EFEMP1: variants seen among roughly 807,000 people sequenced by gnomAD.
EFEMP1 encodes the protein EGF-like fibulin extracellular matrix protein 1, also known as EGF-containing fibulin-like extracellular matrix protein 1.
EFEMP1 carries 18 observed loss-of-function variants against 65.7 expected under a neutral mutation model. That is an observed-to-expected ratio of 0.27 (90% CI 0.19 to 0.41). The LOEUF is 0.41. EFEMP1 is among the 10% of genes least tolerant of loss of function. The pLI is 1.00. For synonymous variants in EFEMP1, 237 were observed against 219.7 expected (o/e 1.08, Z -0.70); for missense variants, 469 against 624.8 (o/e 0.75, Z 2.66).
intron 5 of EFEMP1, among the ~76,000 whole-genome samples, chr2:55,908,485 C>T (rs1670364930): frequency 6.6e-6 from 1 of 151,988 alleles, no homozygotes. Context: ...TACAAAGTTT[C>T]AGTTAAACAG....
At chr2:55,895,793 G>A (rs1173365758) in intron 5 of EFEMP1, among the ~76,000 whole-genome samples, 3 of 151,746 alleles carry the variant, frequency 2.0e-5, no homozygotes, top group Non-Finnish European at 2.9e-5. Flanking sequence ...CGCCCGCCTT[G>A]GCCTCCCAAA....
chr2:55,890,225 G>A (rs1669582009), intron 5 of EFEMP1, among the ~76,000 whole-genome samples: 1 of 151,690 alleles, frequency 6.6e-6, no homozygotes, highest in Non-Finnish European at 1.5e-5. Flanking sequence ...GATTATTAGA[G>A]AATTAAAAAA....
intron 5 of EFEMP1, among the ~76,000 whole-genome samples, chr2:55,906,222 C>CT (rs577782138): frequency 0.013 from 1,622 of 129,726 alleles, 31 homozygotes; most frequent in African/African-American, 0.036. Context: ...AGCCCTGCAT[C>CT]TTTTTTTTTT....
chr2:55,913,995 G>C (rs11894650), intron 5 of EFEMP1, among the ~76,000 whole-genome samples: 2 of 151,798 alleles, frequency 1.3e-5, no homozygotes, highest in Admixed American at 6.6e-5. Flanking sequence ...GGGTGACAGC[G>C]TGAGACTCTG....
chr2:55,903,792 CAT>C (rs765291124), intron 5 of EFEMP1, among the ~76,000 whole-genome samples: 1 of 152,008 alleles, frequency 6.6e-6, no homozygotes, highest in Non-Finnish European at 1.5e-5. Context: ...TGCATGTATA[CAT>C]ATATATGTAT....
chr2:55,897,432 G>A (rs1669870315), intron 5 of EFEMP1, among the ~76,000 whole-genome samples: 1 of 152,048 alleles, frequency 6.6e-6, no homozygotes, highest in Non-Finnish European at 1.5e-5. Flanking sequence ...ATCATCTCCA[G>A]CAGACCCCCA....
At chr2:55,882,024 C>T (rs1669260838) in intron 5 of EFEMP1, among the ~76,000 whole-genome samples, 1 of 152,068 alleles carries the variant, frequency 6.6e-6, no homozygotes, top group African/African-American at 2.4e-5. Flanking sequence ...TCACACCATC[C>T]TCATCCCTTG....
At chr2:55,889,800 G>T (rs1293221786) in intron 5 of EFEMP1, among the ~76,000 whole-genome samples, 3 of 145,962 alleles carry the variant, frequency 2.1e-5, no homozygotes, top group Admixed American at 6.9e-5. Flanking sequence ...CAAATGATCT[G>T]TAGGAAAAAC....
chr2:55,889,058 TTGATTCTTGGCCTCCCTCCC>T (rs140041617), intron 5 of EFEMP1, among the ~76,000 whole-genome samples: 9,429 of 152,278 alleles, frequency 0.062, 384 homozygotes, highest in Non-Finnish European at 0.087. Context: ...GCACTGTGAT[TTGATTCTTGGCCTCCCTCCC>T]TGAGGCCTTG....
At chr2:55,912,652 A>G (rs565645203) in intron 5 of EFEMP1, among the ~76,000 whole-genome samples, 1 of 152,334 alleles carries the variant, frequency 6.6e-6, no homozygotes, top group East Asian at 1.9e-4. Flanking sequence ...CCCTATGTAC[A>G]CTGTAATTTG....
chr2:55,907,582 A>T (rs1572838758), intron 5 of EFEMP1, among the ~76,000 whole-genome samples: 1 of 152,344 alleles, frequency 6.6e-6, no homozygotes, highest in Admixed American at 6.5e-5. Flanking sequence ...TAAAAATGTT[A>T]ATTTAATGGC....
Position 55,905,098 on chromosome 2 carries a change from A to G in EFEMP1, c.517+12567T>C, listed in dbSNP as rs149056226. The stretch of plus-strand genomic sequence containing the variant: ...CTGCAAAGGCTTGGTATGAATTTGA[A>G]CCTGCACTGATTCTTCTTTTCCTAT... On this transcript the variant is annotated intron_variant, in intron 5 of 11. Coordinates refer to ENST00000355426, the MANE Select transcript of EFEMP1 (RefSeq NM_001039348.3). Among the ~76,000 whole-genome samples the G allele has an allele frequency of 3.3e-4, 50 of 151,248 alleles. No individual in the cohort carries two copies. The East Asian group carries it at 8.0e-3, about 24-fold the overall frequency.
At chr2:55,920,821 G>T (rs1206852906) in intron 3 of EFEMP1, among the ~76,000 whole-genome samples, 3 of 152,178 alleles carry the variant, frequency 2.0e-5, no homozygotes, top group Admixed American at 2.0e-4. Flanking sequence ...AGGAGATCGT[G>T]TCTCCACAGC....
At chr2:55,890,449 G>T (rs1669589655) in intron 5 of EFEMP1, among the ~76,000 whole-genome samples, 1 of 151,998 alleles carries the variant, frequency 6.6e-6, no homozygotes, top group Non-Finnish European at 1.5e-5. Flanking sequence ...TAGAAAATGT[G>T]ATTAAAACCT....
intron 9 of EFEMP1, among the ~76,000 whole-genome samples, chr2:55,874,397 G>A (rs1296401679): frequency 6.6e-6 from 1 of 151,510 alleles, no homozygotes; most frequent in African/African-American, 2.4e-5. Context: ...ACGTATAGGT[G>A]TGAAGATCAT....
intron 11 of EFEMP1, among the ~76,000 whole-genome samples, chr2:55,869,841 G>C (rs1014445585): frequency 6.6e-6 from 1 of 152,040 alleles, no homozygotes; most frequent in Non-Finnish European, 1.5e-5. Context: ...GTGGTGAGCC[G>C]TATTTAAAAT....
chr2:55,905,422 G>C (rs572015133), intron 5 of EFEMP1, among the ~76,000 whole-genome samples: 1 of 152,094 alleles, frequency 6.6e-6, no homozygotes, highest in African/African-American at 2.4e-5. Context: ...TCCTGACTTT[G>C]ATACTGTAAA....
intron 5 of EFEMP1, among the ~76,000 whole-genome samples, chr2:55,912,553 A>G (rs898795154): frequency 1.3e-5 from 2 of 152,224 alleles, no homozygotes; most frequent in African/African-American, 4.8e-5. Context: ...CTTTTTCAAA[A>G]GAGTAGTTTA....
Position 55,922,556 on chromosome 2 carries a change from T to TCTC in EFEMP1, c.-7-110_-7-109insGAG. On this transcript the variant is annotated intron_variant, in intron 2 of 11. Coordinates refer to ENST00000355426, the MANE Select transcript of EFEMP1 (RefSeq NM_001039348.3). The surrounding 1 kb of genome is among the most constrained non-coding windows in gnomAD (Gnocchi z 5.5). ...AAAGGAGGGTGGGAGAGGCTGAGGC[T>TCTC]CCACCATACTCAACTTCCAATCTGC... 1.0e-6 allele frequency: 1 copy of TCTC among 971,158 alleles called. No individual in the cohort carries two copies. The highest frequency in any genetic ancestry group is 1.6e-6 in the Non-Finnish European group (1 of 617,666). 60.2% of individuals were successfully genotyped at this position (971,158 alleles called of 1,614,324 possible). A position where few individuals can be genotyped will look rare whatever the true frequency, so the allele number is the denominator to read the frequency against.
Sources: allele counts gnomAD v4.1 joint callset (sites outside exome capture counted in the v4.1 genomes callset), GRCh38; gene constraint gnomAD v4.1.1; non-coding constraint Gnocchi (gnomAD v3.1); transcripts MANE v1.5; gene names NCBI Gene and HGNC (gene_info 2026-07-23, HGNC 2026-07-21).